Variants in ZNF181 observed in about 807,000 individuals in gnomAD.
The protein encoded by ZNF181 is zinc finger protein 181.
ZNF181 carries 8 observed loss-of-function variants against 11.9 expected under a neutral mutation model. The ratio of observed to expected loss-of-function variants is 0.67; its 90% CI spans 0.39 to 1.21. The LOEUF (loss-of-function observed/expected upper bound fraction) is 1.21. Among genes scored for constraint, ZNF181 ranks in the 50% most tolerant of loss-of-function variants. The pLI is 0.01. For missense variants in ZNF181, 542 were observed against 670.9 expected (o/e 0.81, Z 2.12); for synonymous variants, 202 against 221.1 (o/e 0.91, Z 0.77).
intron 1 of ZNF181, among the ~76,000 whole-genome samples, chr19:34,737,639 C>G (rs909794442): frequency 1.3e-5 from 2 of 152,076 alleles, no homozygotes; most frequent in African/African-American, 4.8e-5. Context: ...CCTTTACTTT[C>G]AGGTCTTATT....
At chr19:34,736,125 T>C (rs759721018) in intron 1 of ZNF181, 2 of 702,974 alleles carry the variant, frequency 2.8e-6, no homozygotes, top group Admixed American at 4.0e-5. Context: ...TAGTAAGTAA[T>C]TGTGGAGTGA....
chr19:34,736,264 T>C (rs1461936288), intron 1 of ZNF181: 2 of 677,750 alleles, frequency 3.0e-6, no homozygotes, highest in Non-Finnish European at 2.7e-6. Flanking sequence ...GTTAGATAAT[T>C]AGAATTGAAA....
At chr19:34,740,575 A>C in intron 3 of ZNF181, 36 bp from the exon 4 acceptor site, 3 of 1,519,954 alleles carry the variant, frequency 2.0e-6, no homozygotes, top group Non-Finnish European at 2.6e-6. Context: ...GTTAAAAAAA[A>C]ACAAAACAGT....
At position 34,735,999 on chromosome 19, in the gene ZNF181, A is replaced by G. The variant is rs1375397351; in HGVS notation, c.9+953A>G. ...TGTCACTCACTAGCTGATGTACTGT[A>G]TGTTCAGTATATGCACATGCTCATT... is the stretch of plus-strand genomic sequence containing the variant. On this transcript the variant is annotated intron_variant, in intron 1 of 3. Transcript: ENST00000492450. The G allele has an allele frequency of 6.4e-6, 4 of 621,042 alleles. No homozygotes were observed. In the East Asian group the frequency reaches 8.2e-5, roughly 13 times the overall value. 38.5% of individuals were successfully genotyped at this position (621,042 alleles called of 1,614,324 possible). A position where few individuals can be genotyped will look rare whatever the true frequency, so the allele number is the denominator to read the frequency against.
rs747040188 is a variant in ZNF181, at chr19:34,740,676, C to T, written c.295C>T (p.Pro99Ser). 6.2e-6 allele frequency: 10 copies of T among 1,609,858 alleles called. No homozygotes were observed. Among genetic ancestry groups the T allele is most frequent in the Non-Finnish European group, 6.8e-6 (8 of 1,178,358 alleles). ...TKKDNYDEDS[P>S]QTVIIEKVVK... ...GAAGGATAATTATGATGAAGATTCA[C>T]CCCAAACAGTAATAATAGAAAAAGT... Residue 99 changes from proline (P) to serine (S), a missense_variant, in exon 4 of 4, where the codon CCC (proline) becomes TCC (serine). Transcript: ENST00000492450.
In ZNF181 at chr19:34,741,781, G is replaced by T; in HGVS notation, c.1400G>T (p.Gly467Val). 1 of 1,613,966 alleles carries T rather than the reference G, an allele frequency of 6.2e-7. No individual in the cohort carries two copies. Residue 467 changes from glycine to valine, a missense_variant, in exon 4 of 4, where the codon GGG becomes GTG. By Grantham distance (109) the Gly-to-Val change is moderately radical (BLOSUM62 -3). Coordinates refer to ENST00000492450, the MANE Select transcript of ZNF181 (RefSeq NM_001029997.4). ...RLKPYECSIC[G>V]KAFSHRSSLL... ...AAACCCTACGAATGCAGTATATGTG[G>T]GAAAGCCTTTAGTCATAGGTCATCC...
At chr19:34,738,516 T>C (rs146354430) in intron 1 of ZNF181, among the ~76,000 whole-genome samples, 243 of 152,228 alleles carry the variant, frequency 1.6e-3, no homozygotes, top group African/African-American at 5.4e-3. Flanking sequence ...GTATGTCTAT[T>C]AGTCTTTAAT....
chr19:34,741,775 T>C lies in ZNF181; in HGVS notation c.1394T>C (p.Ile465Thr), dbSNP rs756038833. Residue 465 changes from isoleucine (I) to threonine (T), a missense_variant, in exon 4 of 4, where the codon ATA becomes ACA. Ile to Thr is a moderately conservative substitution (Grantham distance 89). Coordinates refer to ENST00000492450, the MANE Select transcript of ZNF181 (RefSeq NM_001029997.4). ...HIRLKPYECS[I>T]CGKAFSHRSS... ...AGATTGAAACCCTACGAATGCAGTA[T>C]ATGTGGGAAAGCCTTTAGTCATAGG... 6.8e-6 allele frequency: 11 copies of C among 1,613,852 alleles called. No individual in the cohort carries two copies. Among genetic ancestry groups the C allele is most frequent in the Admixed American group, 6.7e-5 (4 of 59,964 alleles).
intron 1 of ZNF181, among the ~76,000 whole-genome samples, chr19:34,738,743 GAC>G (rs908241314): frequency 6.6e-6 from 1 of 151,964 alleles, no homozygotes; most frequent in African/African-American, 2.4e-5. Context: ...CCATTTGAGA[GAC>G]AATCACTTTA....
Position 34,742,242 on chromosome 19 carries a change from C to T in ZNF181, c.*145C>T, listed in dbSNP as rs1271372541. 4 of 738,576 alleles carry T rather than the reference C, an allele frequency of 5.4e-6. No individual in the cohort carries two copies. The highest frequency in any genetic ancestry group is 8.5e-6 in the Non-Finnish European group (4 of 471,466). 45.8% of individuals were successfully genotyped at this position (738,576 alleles called of 1,614,324 possible). ...GCCAGTTTGTTTATTAGACTTTATA[C>T]TGTAGAGAAATCATATGAAGACCAT... On this transcript the variant is annotated 3_prime_UTR_variant, in exon 4 of 4. Transcript: ENST00000492450.
At position 34,735,992 on chromosome 19, in the gene ZNF181, G is replaced by A. The variant is rs148962912; in HGVS notation, c.9+946G>A. On this transcript the variant is annotated intron_variant, in intron 1 of 3. Coordinates refer to ENST00000492450, the MANE Select transcript of ZNF181 (RefSeq NM_001029997.4). ...CAGTGTGTGTCACTCACTAGCTGATGTACTGTATGTTCAGTATATGCACAT... is the reference window on the plus strand; with the variant it reads ...CAGTGTGTGTCACTCACTAGCTGATATACTGTATGTTCAGTATATGCACAT... 1.5e-3 allele frequency: 879 copies of A among 599,916 alleles called. 3 individuals carry two copies. The highest frequency in any genetic ancestry group is 2.3e-3 in the Non-Finnish European group (774 of 336,038). 37.2% of individuals were successfully genotyped at this position (599,916 alleles called of 1,614,324 possible). A position where few individuals can be genotyped will look rare whatever the true frequency, so the allele number is the denominator to read the frequency against.
intron 3 of ZNF181, 56 bp downstream of exon 3, chr19:34,739,677 T>A: frequency 6.3e-7 from 1 of 1,579,076 alleles, no homozygotes; most frequent in Non-Finnish European, 8.7e-7. Context: ...TCCCAAACTC[T>A]TTATAGTGAG....
rs1322190682 is a variant in ZNF181 at position 34,740,645 on chromosome 19, A to G, written c.264A>G (p.Ser88=). The G allele has an allele frequency of 6.3e-7, 1 of 1,583,764 alleles. No homozygotes were observed. The highest frequency in any genetic ancestry group is 8.6e-7 in the Non-Finnish European group (1 of 1,165,848). ...WESRWENKEL[S]TKKDNYDEDS... ...CAAGATGGGAAAACAAGGAATTATC[A>G]ACAAAGAAGGATAATTATGATGAAG... The change falls in exon 4 of 4, where the codon TCA becomes TCG. Residue 88 remains serine (S), a synonymous_variant. Coordinates refer to ENST00000492450, the MANE Select transcript of ZNF181 (RefSeq NM_001029997.4).
Position 34,741,681 on chromosome 19 carries a change from G to A in ZNF181, c.1300G>A (p.Glu434Lys), listed in dbSNP as rs1278312803. 6.2e-7 allele frequency: 1 copy of A among 1,613,730 alleles called. No individual in the cohort carries two copies. The highest frequency in any genetic ancestry group is 8.5e-7 in the Non-Finnish European group (1 of 1,179,788). ...TATTCATACTGAAGAAAAACCCTTTGAATGTCAGAAATGCAGGAAATCCTT... is the reference window on the plus strand; with the variant it reads ...TATTCATACTGAAGAAAAACCCTTTAAATGTCAGAAATGCAGGAAATCCTT... Reference protein sequence around the residue: ...QSIHTEEKPFECQKCRKSFNQ... With the variant: ...QSIHTEEKPFKCQKCRKSFNQ... Residue 434 changes from glutamate to lysine, a missense_variant, in exon 4 of 4, where the codon GAA (glutamate) becomes AAA (lysine). Transcript: ENST00000492450.
In ZNF181 at chr19:34,742,089, A is replaced by C. The variant is rs183455829; in HGVS notation, c.1708A>C (p.Thr570Pro). The change falls in exon 4 of 4, where the codon ACT (threonine) becomes CCT (proline). Residue 570 changes from threonine (T) to proline (P), a missense_variant. Physicochemically the swap from Thr to Pro is conservative, Grantham distance 38. Transcript: ENST00000492450. ...ATGTGAGAAATCTTACAGAAGAGAA[A>C]CTGTATGAAGCAGTGGTTATCATGG... ...YTCEKSYRRE[T>P]V is the part of the protein sequence containing the mutation. 5 of 1,566,220 alleles carry C rather than the reference A, an allele frequency of 3.2e-6. No homozygotes were observed. The East Asian group carries it at 1.1e-4, about 35-fold the overall frequency.
At position 34,739,577 on chromosome 19, in the gene ZNF181, A is replaced by T; in HGVS notation, c.185A>T (p.Glu62Val). 1 of 1,614,164 alleles carries T rather than the reference A, an allele frequency of 6.2e-7. No individual in the cohort carries two copies. The change falls in exon 3 of 4, where the codon GAG becomes GTG. Residue 62 changes from glutamate to valine, a missense_variant. Transcript: ENST00000492450. ...ATCACGTTATTGGAGGATGGAAAAG[A>T]GCCCTGGATGATGGAGAAAAAACTG... ...YVITLLEDGKEPWMMEKKLSK... is the reference protein window; with the variant it reads ...YVITLLEDGKVPWMMEKKLSK...
intron 3 of ZNF181, 105 bp from the exon 4 acceptor site, chr19:34,740,505 TG>T (rs1568483984): frequency 8.8e-7 from 1 of 1,133,082 alleles, no homozygotes; most frequent in Non-Finnish European, 1.3e-6. Flanking sequence ...ATGTGTTTTC[TG>T]GGGGCTTCAT....
intron 1 of ZNF181, among the ~76,000 whole-genome samples, chr19:34,737,454 GT>G (rs1182593902): frequency 6.6e-6 from 1 of 152,116 alleles, no homozygotes; most frequent in South Asian, 2.1e-4. Context: ...TTAAATAGAT[GT>G]ATTTTTTGTA....
chr19:34,741,176 T>A lies in ZNF181; in HGVS notation c.795T>A (p.Tyr265Ter). ...HWRIHTGEKP[Y>*]ECRECGKTFS... ...GAATTCATACAGGAGAGAAGCCCTATGAATGTCGTGAATGTGGGAAGACTT... is the reference window on the plus strand; with the variant it reads ...GAATTCATACAGGAGAGAAGCCCTAAGAATGTCGTGAATGTGGGAAGACTT... Residue 265 changes from tyrosine (Y) to a stop codon, truncating the protein, a stop_gained, in exon 4 of 4, where the codon TAT (tyrosine) becomes TAA (stop). Transcript: ENST00000492450. LOFTEE classifies it low-confidence loss of function (END_TRUNC). 6.2e-7 allele frequency: 1 copy of A among 1,614,100 alleles called. No individual in the cohort carries two copies. Among genetic ancestry groups the A allele is most frequent in the Non-Finnish European group, 8.5e-7 (1 of 1,179,958 alleles).
Sources: gnomAD v4.1 joint callset for allele counts (sites outside exome capture counted in the v4.1 genomes callset) on GRCh38, gnomAD v4.1.1 for gene constraint, MANE v1.5 for transcripts, NCBI Gene and HGNC (gene_info 2026-07-23, HGNC 2026-07-21) for gene names.